The following XPNPEP3 variants were observed in gnomAD, a reference collection of about 807,000 sequenced individuals.
XPNPEP3 encodes X-prolyl aminopeptidase 3, also known as xaa-Pro aminopeptidase 3.
A neutral mutation model predicts 60.0 loss-of-function variants in XPNPEP3; 41 were observed. The ratio of observed to expected loss-of-function variants is 0.68; its 90% confidence interval spans 0.53 to 0.89. The LOEUF is 0.89. XPNPEP3 is among the 40% of genes least tolerant of loss of function. The pLI, the probability that XPNPEP3 is intolerant of heterozygous loss-of-function variation, is 0.00. For synonymous variants in XPNPEP3, 212 were observed against 223.2 expected (o/e 0.95, Z 0.45); for missense variants, 598 against 638.9 (o/e 0.94, Z 0.69).
At chr22:40,887,508 C>T (rs546965967) in intron 4 of XPNPEP3, among the ~76,000 whole-genome samples, 1 of 152,208 alleles carries the variant, frequency 6.6e-6, no homozygotes, top group Admixed American at 6.5e-5. Context: ...TCCCGGCTTA[C>T]AGAAGGCGGC....
In XPNPEP3 at chr22:40,857,164, C is replaced by G; in HGVS notation, c.-18C>G. On this transcript the variant is annotated 5_prime_UTR_variant, in exon 1 of 10. Coordinates refer to ENST00000357137, the MANE Select transcript of XPNPEP3 (RefSeq NM_022098.4). ...GTCGTTACCCTCTTTCTCTTCCCGA[C>G]GCGTGAGTTAGGCCGTAATGCCTTG... The G allele has an allele frequency of 1.9e-6, 3 of 1,614,094 alleles. No individual in the cohort carries two copies. Among genetic ancestry groups the G allele is most frequent in the East Asian group, 2.2e-5 (1 of 44,884 alleles).
intron 4 of XPNPEP3, among the ~76,000 whole-genome samples, chr22:40,901,753 C>T (rs1019763774): frequency 6.6e-6 from 1 of 152,226 alleles, no homozygotes; most frequent in Admixed American, 6.5e-5. Context: ...GCGTGAGCCA[C>T]TGCGCCCGGC....
intron 2 of XPNPEP3, among the ~76,000 whole-genome samples, chr22:40,872,519 C>T (rs966905326): frequency 6.6e-6 from 1 of 151,758 alleles, no homozygotes; most frequent in Non-Finnish European, 1.5e-5. Flanking sequence ...GACACAATCT[C>T]TGCTCACTGC....
At chr22:40,925,048 G>T (rs2058230102) in intron 9 of XPNPEP3, among the ~76,000 whole-genome samples, 1 of 152,162 alleles carries the variant, frequency 6.6e-6, no homozygotes, top group Non-Finnish European at 1.5e-5. Context: ...GGGCCAGTTT[G>T]TACTGGTCTC....
chr22:40,914,168 A>G (rs1374883229), intron 6 of XPNPEP3, 71 bp from the exon 7 acceptor site: 3 of 1,272,022 alleles, frequency 2.4e-6, no homozygotes, highest in Non-Finnish European at 3.4e-6. Context: ...AAAGAAAGGC[A>G]TACTTTGGAT....
intron 1 of XPNPEP3, chr22:40,860,656 CTTTTTTT>C: frequency 8.8e-7 from 1 of 1,131,250 alleles, no homozygotes; most frequent in Non-Finnish European, 1.2e-6. Context: ...TTCCAAATTC[CTTTTTTT>C]TTTTTTTAAG....
intron 1 of XPNPEP3, chr22:40,861,442 T>G: frequency 6.2e-7 from 1 of 1,614,090 alleles, no homozygotes; most frequent in Non-Finnish European, 8.5e-7. Context: ...GTAACAGATA[T>G]GTAGTTGTCC....
chr22:40,880,885 A>G (rs576397813), intron 2 of XPNPEP3, among the ~76,000 whole-genome samples: 2 of 152,164 alleles, frequency 1.3e-5, no homozygotes, highest in Non-Finnish European at 2.9e-5. Flanking sequence ...CCATAGAGAC[A>G]GATAATAGAT....
At position 40,929,767 on chromosome 22, in the gene XPNPEP3, G is replaced by A. The variant is rs533603834; in HGVS notation, c.*3332G>A. 2.0e-5 allele frequency: 3 copies of A among 152,274 alleles called. No individual in the cohort carries two copies. In the South Asian group the frequency reaches 6.2e-4, roughly 32 times the overall value. The allele number at this position is 152,274 out of a possible 1,614,324, so 9.4% of individuals were successfully genotyped here. A position where few individuals can be genotyped will look rare whatever the true frequency, so the allele number is the denominator to read the frequency against. Reference sequence around the variant, plus strand: ...GTTATGGGCTGTCTGATATATTCAGGATTTGTTGAGCAGATAAGCTGTGTG... The same window carrying A: ...GTTATGGGCTGTCTGATATATTCAGAATTTGTTGAGCAGATAAGCTGTGTG... On this transcript the variant is annotated 3_prime_UTR_variant, in exon 10 of 10. Transcript: ENST00000357137.
chr22:40,866,413 C>A (rs897161486), intron 1 of XPNPEP3, among the ~76,000 whole-genome samples: 6 of 151,980 alleles, frequency 3.9e-5, no homozygotes, highest in African/African-American at 1.4e-4. Context: ...AGAGAAGTCT[C>A]TTGCGTAAGT....
At chr22:40,920,325 G>A (rs527794296) in intron 7 of XPNPEP3, among the ~76,000 whole-genome samples, 1 of 152,094 alleles carries the variant, frequency 6.6e-6, no homozygotes, top group East Asian at 1.9e-4. Context: ...AGCCGAGATC[G>A]CACCACTTCA....
intron 2 of XPNPEP3, among the ~76,000 whole-genome samples, chr22:40,877,772 A>G (rs1250024603): frequency 6.6e-6 from 1 of 152,210 alleles, no homozygotes; most frequent in Non-Finnish European, 1.5e-5. Context: ...ATCAGAAGAA[A>G]TTCAGGCCAG....
chr22:40,925,683 A>T (rs1487476308), intron 9 of XPNPEP3, among the ~76,000 whole-genome samples: 1 of 152,056 alleles, frequency 6.6e-6, no homozygotes, highest in Non-Finnish European at 1.5e-5. Flanking sequence ...GGGTTCCTAC[A>T]TTTTTCCAAA....
At chr22:40,898,224 CATT>C (rs1990297628) in intron 4 of XPNPEP3, among the ~76,000 whole-genome samples, 3 of 70,252 alleles carry the variant, frequency 4.3e-5, no homozygotes, top group African/African-American at 6.2e-5. Flanking sequence ...GTCTTTGACC[CATT>C]TTTTTTTTTT....
intron 1 of XPNPEP3, among the ~76,000 whole-genome samples, chr22:40,866,432 A>G (rs2057979091): frequency 6.6e-6 from 1 of 152,072 alleles, no homozygotes; most frequent in Admixed American, 6.6e-5. Context: ...GTGATGTTTG[A>G]GCTGGTATTT....
rs1002785826 is a variant in XPNPEP3, at chr22:40,872,750, G to A, written c.181+3635G>A. Among the ~76,000 whole-genome samples the A allele has an allele frequency of 6.6e-5, 10 of 151,810 alleles. No individual in the cohort carries two copies. In the East Asian group the frequency reaches 1.4e-3, roughly 21 times the overall value. On this transcript the variant is annotated intron_variant, in intron 2 of 9. Transcript: ENST00000357137. Reference sequence around the variant, plus strand: ...ACAGGTGTGAGCCACCACACCCAGCGATATTTACAGATTGTACAGATTATA... The same window carrying A: ...ACAGGTGTGAGCCACCACACCCAGCAATATTTACAGATTGTACAGATTATA...
At chr22:40,873,098 C>CTTTTTTTTTTTTTTTTTTT (rs138353) in intron 2 of XPNPEP3, among the ~76,000 whole-genome samples, 40 of 88,504 alleles carry the variant, frequency 4.5e-4, no homozygotes, top group Non-Finnish European at 5.8e-4. Context: ...TTTTCTTTTT[C>CTTTTTTTTTTTTTTTTTTT]TTTTTTTTTT....
At chr22:40,894,996 A>G (rs539610661) in intron 4 of XPNPEP3, among the ~76,000 whole-genome samples, 3 of 152,344 alleles carry the variant, frequency 2.0e-5, no homozygotes, top group Admixed American at 6.5e-5. Flanking sequence ...ATTATAGCCT[A>G]TAATTCAGCC....
chr22:40,886,532 A>G lies in XPNPEP3; in HGVS notation c.792+17A>G. On this transcript the variant is annotated intron_variant, in intron 4 of 9. Coordinates refer to ENST00000357137, the MANE Select transcript of XPNPEP3 (RefSeq NM_022098.4). The stretch of plus-strand genomic sequence containing the variant: ...ACATCACAGGTATGATTCCTATTGA[A>G]AAGTTTTTTCCAGCCGGGCGCGGTG... 6.2e-7 allele frequency: 1 copy of G among 1,612,642 alleles called. No individual in the cohort carries two copies. The highest frequency in any genetic ancestry group is 2.2e-5 in the East Asian group (1 of 44,872).
Sources: gnomAD v4.1 joint callset for allele counts (sites outside exome capture counted in the v4.1 genomes callset) on GRCh38, gnomAD v4.1.1 for gene constraint, MANE v1.5 for transcripts, NCBI Gene and HGNC (gene_info 2026-07-23, HGNC 2026-07-21) for gene names.